The following PLXNA4 variants were observed in gnomAD, a reference collection of about 807,000 sequenced individuals.
The protein encoded by PLXNA4 is plexin-A4.
Under a neutral mutation model 191.8 loss-of-function variants are expected in PLXNA4, and 44 were observed. That is an observed-to-expected ratio of 0.23 (90% CI 0.18 to 0.29). The LOEUF is 0.29. PLXNA4 is among the 10% of genes least tolerant of loss of function. PLXNA4 has a pLI of 1.00. For synonymous variants in PLXNA4, 1,082 were observed against 1,009.5 expected (o/e 1.07, Z -1.36); for missense variants, 1,800 against 2,488.8 (o/e 0.72, Z 5.89).
chr7:132,601,916 G>A (rs950758031), intron 2 of PLXNA4, among the ~76,000 whole-genome samples: 7 of 152,232 alleles, frequency 4.6e-5, no homozygotes, highest in Admixed American at 3.9e-4. Context: ...TTTCACACAT[G>A]AGAAAAGCAA....
At chr7:132,515,485 G>A (rs1440455799) in intron 1 of PLXNA4, among the ~76,000 whole-genome samples, 1 of 152,154 alleles carries the variant, frequency 6.6e-6, no homozygotes, top group Middle Eastern at 3.2e-3. Context: ...AAAGAGTACA[G>A]TGTCTCCCAC....
At chr7:132,461,639 G>A (rs1348254668) in intron 3 of PLXNA4, among the ~76,000 whole-genome samples, 1 of 152,234 alleles carries the variant, frequency 6.6e-6, no homozygotes, top group Non-Finnish European at 1.5e-5. Context: ...TGTTTCTGAT[G>A]TGTGGAGAAA....
chr7:132,647,108 C>A (rs937537535), intron 1 of PLXNA4, among the ~76,000 whole-genome samples: 6 of 151,986 alleles, frequency 3.9e-5, no homozygotes, highest in Non-Finnish European at 8.8e-5. Flanking sequence ...ATCATATACA[C>A]GCATATACAC....
intron 4 of PLXNA4, among the ~76,000 whole-genome samples, chr7:132,285,374 G>T (rs1384733327): frequency 2.0e-5 from 3 of 152,130 alleles, no homozygotes; most frequent in Admixed American, 2.0e-4. Flanking sequence ...TTTGGAGAAG[G>T]ATATATTCTC....
At chr7:132,462,503 C>T (rs1796543968) in intron 3 of PLXNA4, among the ~76,000 whole-genome samples, 1 of 151,852 alleles carries the variant, frequency 6.6e-6, no homozygotes, top group South Asian at 2.1e-4. Flanking sequence ...GAGATGAAAA[C>T]ATAATATGTA....
At chr7:132,442,611 T>A (rs1795738637) in intron 3 of PLXNA4, among the ~76,000 whole-genome samples, 1 of 152,184 alleles carries the variant, frequency 6.6e-6, no homozygotes, top group Non-Finnish European at 1.5e-5. Context: ...TCCCAAATGT[T>A]ATCACTCAGA....
At chr7:132,238,620 G>C (rs1798780063) in intron 5 of PLXNA4, among the ~76,000 whole-genome samples, 1 of 152,222 alleles carries the variant, frequency 6.6e-6, no homozygotes, top group African/African-American at 2.4e-5. Context: ...TGCTTAACAA[G>C]GGCTGGTGCT....
At chr7:132,192,450 G>C (rs1391412266) in intron 14 of PLXNA4, among the ~76,000 whole-genome samples, 4 of 151,358 alleles carry the variant, frequency 2.6e-5, no homozygotes. Context: ...AGGAAGGAAG[G>C]AAGCAAAGAA....
At chr7:132,189,366 G>C (rs1403557406) in intron 14 of PLXNA4, among the ~76,000 whole-genome samples, 1 of 152,068 alleles carries the variant, frequency 6.6e-6, no homozygotes, top group African/African-American at 2.4e-5. Flanking sequence ...TGCATTACTT[G>C]CCACCTCTTC....
At chr7:132,180,850 C>T in intron 18 of PLXNA4, 118 bp from the exon 19 acceptor site, 1 of 1,469,820 alleles carries the variant, frequency 6.8e-7, no homozygotes, top group Non-Finnish European at 9.1e-7. Flanking sequence ...GAAGAAGCCA[C>T]CTTTGGTAAT....
chr7:132,195,344 A>G (rs1797222457), intron 13 of PLXNA4, among the ~76,000 whole-genome samples: 1 of 152,104 alleles, frequency 6.6e-6, no homozygotes, highest in African/African-American at 2.4e-5. Flanking sequence ...TTGCACTATC[A>G]TTTACACAAC....
intron 4 of PLXNA4, among the ~76,000 whole-genome samples, chr7:132,250,106 G>A (rs758784585): frequency 8.5e-5 from 13 of 152,180 alleles, no homozygotes; most frequent in Non-Finnish European, 1.8e-4. Flanking sequence ...TGTGTGACTT[G>A]GACAACTTAT....
intron 3 of PLXNA4, among the ~76,000 whole-genome samples, chr7:132,340,612 T>C (rs1432825574): frequency 6.6e-6 from 1 of 152,062 alleles, no homozygotes; most frequent in African/African-American, 2.4e-5. Context: ...ACAAAAGAGA[T>C]GGGAAAGAGC....
chr7:132,203,014 G>A (rs11763167), intron 11 of PLXNA4, among the ~76,000 whole-genome samples, 178 bp from the exon 12 acceptor site: 2 of 152,212 alleles, frequency 1.3e-5, no homozygotes, highest in Admixed American at 6.5e-5. Context: ...GGCCTGAGCA[G>A]AGGGACTGAA....
intron 2 of PLXNA4, among the ~76,000 whole-genome samples, chr7:132,617,905 T>C (rs1042015026): frequency 6.6e-6 from 1 of 152,236 alleles, no homozygotes; most frequent in African/African-American, 2.4e-5. Flanking sequence ...CAGTATTGTT[T>C]CTGCTTCATT....
At chr7:132,152,890 T>C (rs1393052874) in intron 25 of PLXNA4, among the ~76,000 whole-genome samples, 1 of 152,190 alleles carries the variant, frequency 6.6e-6, no homozygotes, top group African/African-American at 2.4e-5. Context: ...CTGCAGTCTC[T>C]GTGGTGAGAA....
chr7:132,615,217 G>A (rs1406534037), intron 2 of PLXNA4, among the ~76,000 whole-genome samples: 1 of 152,128 alleles, frequency 6.6e-6, no homozygotes. Flanking sequence ...GAGCGGGAGG[G>A]GGGTTCGGGA....
In PLXNA4 at chr7:132,489,288, C is replaced by T; in HGVS notation, c.1371+4G>A. On this transcript the variant is annotated splice_donor_region_variant and intron_variant, in intron 3 of 31. Coordinates refer to ENST00000321063, the MANE Select transcript of PLXNA4 (RefSeq NM_020911.2). ...TAACCAAAAGTACTGCACCTCATTC[C>T]TACCTTCTTCAGCTTGCCACTTTTG... 3 of 1,581,358 alleles carry T rather than the reference C, an allele frequency of 1.9e-6. No homozygotes were observed. Among genetic ancestry groups the T allele is most frequent in the Non-Finnish European group, 2.6e-6 (3 of 1,152,848 alleles).
chr7:132,393,282 A>T (rs1031996561), intron 3 of PLXNA4, among the ~76,000 whole-genome samples: 8 of 146,646 alleles, frequency 5.5e-5, no homozygotes, highest in African/African-American at 1.8e-4. Context: ...GAGGGTGATA[A>T]ATCCCACTCC....
Sources: gnomAD v4.1 joint callset for allele counts (sites outside exome capture counted in the v4.1 genomes callset) on GRCh38, gnomAD v4.1.1 for gene constraint, MANE v1.5 for transcripts, NCBI Gene and HGNC (gene_info 2026-07-23, HGNC 2026-07-21) for gene names.